Variants in TRMT11 observed in about 807,000 individuals in gnomAD.
The protein encoded by TRMT11 is tRNA (guanine(10)-N(2))-methyltransferase TRMT11.
In TRMT11, 53 loss-of-function variants were observed where a neutral mutation model predicts 62.8. The observed-to-expected ratio is 0.84, with a 90% CI of 0.68 to 1.06. The LOEUF is 1.06. TRMT11 is among the 50% of genes least tolerant of loss of function. TRMT11 has a pLI of 0.00. For synonymous variants in TRMT11, 188 were observed against 190.3 expected, an observed-to-expected ratio of 0.99 and a Z score of 0.10; for missense variants, 556 against 553.4, an observed-to-expected ratio of 1.00 and a Z score of -0.05.
chr6:126,041,677 A>G (rs1775883944), downstream of TRMT11, among the ~76,000 whole-genome samples: 1 of 152,202 alleles, frequency 6.6e-6, no homozygotes, highest in Non-Finnish European at 1.5e-5. Context: ...CTAACAGGAA[A>G]AAAATTCTTT....
intron 2 of TRMT11, 40 bp from the exon 3 acceptor site, chr6:125,995,927 A>T (rs761679780): frequency 1.6e-6 from 2 of 1,237,580 alleles, no homozygotes; most frequent in African/African-American, 3.0e-5. Flanking sequence ...GAGGCCATGT[A>T]GCCACTTAGA....
chr6:126,087,784 A>C (rs1777231510), intron 17 of TRMT11, among the ~76,000 whole-genome samples: 1 of 152,224 alleles, frequency 6.6e-6, no homozygotes, highest in Non-Finnish European at 1.5e-5. Context: ...TACACATCCC[A>C]AAAGAAATGC....
At chr6:126,124,097 T>C (rs1777681243) in intron 21 of TRMT11, among the ~76,000 whole-genome samples, 1 of 152,096 alleles carries the variant, frequency 6.6e-6, no homozygotes, top group Non-Finnish European at 1.5e-5. Context: ...TTAGGGGATT[T>C]CCTCAAATGT....
the TRMT11 span, among the ~76,000 whole-genome samples, chr6:126,244,175 T>G: frequency 6.9e-6 from 1 of 145,784 alleles, no homozygotes; most frequent in Non-Finnish European, 1.5e-5. Flanking sequence ...CTTCCTTCAT[T>G]AAAAAAAAAA....
chr6:126,241,618 T>G, the TRMT11 span, among the ~76,000 whole-genome samples: 2 of 152,198 alleles, frequency 1.3e-5, no homozygotes, highest in Non-Finnish European at 2.9e-5. Context: ...GCTTCATCCC[T>G]GGGATGCGAA....
At chr6:126,200,369 C>T (rs1778720921) in intron 3 of TRMT11, among the ~76,000 whole-genome samples, 2 of 152,194 alleles carry the variant, frequency 1.3e-5, no homozygotes, top group South Asian at 4.1e-4. Context: ...CTGGCCTTAG[C>T]ATTTACCTAC....
the TRMT11 span, among the ~76,000 whole-genome samples, chr6:126,220,514 C>A: frequency 6.6e-6 from 1 of 152,094 alleles, no homozygotes; most frequent in Non-Finnish European, 1.5e-5. Context: ...TGAAAGGAGT[C>A]AAGTCAATTG....
At chr6:126,092,122 T>G (rs1025777257) in intron 17 of TRMT11, among the ~76,000 whole-genome samples, 1 of 152,172 alleles carries the variant, frequency 6.6e-6, no homozygotes, top group Non-Finnish European at 1.5e-5. Context: ...TTTAAAGTAG[T>G]CTTGTAATAA....
At position 125,998,118 on chromosome 6, in the gene TRMT11, A is replaced by G; in HGVS notation, c.278A>G (p.Tyr93Cys). The G allele has an allele frequency of 6.2e-7, 1 of 1,613,564 alleles. No homozygotes were observed. The highest frequency in any genetic ancestry group is 1.7e-5 in the Admixed American group (1 of 60,010). ...GAGCTGTACAGTTCTCTTAAAAACT[A>G]CCCTGTGGAGAAGATGGTGCGTAGT... ...PEELYSSLKN[Y>C]PVEKMVPFLH... Residue 93 changes from tyrosine (Y) to cysteine (C), a missense_variant, in exon 4 of 13, where the codon TAC (tyrosine) becomes TGC (cysteine). Coordinates refer to ENST00000334379, the MANE Select transcript of TRMT11 (RefSeq NM_001031712.3).
chr6:126,076,511 G>C (rs1777028417), intron 17 of TRMT11, among the ~76,000 whole-genome samples: 1 of 152,140 alleles, frequency 6.6e-6, no homozygotes, highest in Admixed American at 6.6e-5. Flanking sequence ...TGCCAGCCAG[G>C]TATTCCTTTA....
At chr6:126,019,667 A>G (rs557759795) in intron 11 of TRMT11, among the ~76,000 whole-genome samples, 1 of 152,318 alleles carries the variant, frequency 6.6e-6, no homozygotes, top group South Asian at 2.1e-4. Flanking sequence ...GGTTAAGGCT[A>G]TATCTTCTCT....
intron 17 of TRMT11, among the ~76,000 whole-genome samples, chr6:126,106,314 T>G (rs1777463872): frequency 1.3e-5 from 2 of 152,110 alleles, no homozygotes. Flanking sequence ...TGGCTAATAT[T>G]TTGTATTTTT....
At chr6:126,175,458 T>C (rs1778375365), upstream of TRMT11, among the ~76,000 whole-genome samples, 1 of 152,170 alleles carries the variant, frequency 6.6e-6, no homozygotes, top group East Asian at 1.9e-4. Context: ...GTTTATTTTG[T>C]GGTTGGGTTT....
At chr6:125,999,037 A>G (rs1792062354) in intron 6 of TRMT11, among the ~76,000 whole-genome samples, 3 of 151,300 alleles carry the variant, frequency 2.0e-5, no homozygotes, top group African/African-American at 7.3e-5. Context: ...ATTTGTGGAG[A>G]TTCCCAATCT....
chr6:126,161,192 T>C (rs954804696), intron 21 of TRMT11, among the ~76,000 whole-genome samples: 1 of 152,100 alleles, frequency 6.6e-6, no homozygotes, highest in Admixed American at 6.6e-5. Context: ...CAACCTGTCA[T>C]CTACATCAGG....
intron 21 of TRMT11, among the ~76,000 whole-genome samples, chr6:126,155,497 C>A (rs1778107888): frequency 1.3e-5 from 2 of 152,060 alleles, no homozygotes; most frequent in African/African-American, 4.8e-5. Context: ...GCCAATAGTC[C>A]CCGCAAATCT....
intron 21 of TRMT11, among the ~76,000 whole-genome samples, chr6:126,156,407 C>T (rs905755099): frequency 6.6e-6 from 1 of 152,190 alleles, no homozygotes; most frequent in South Asian, 2.1e-4. Context: ...GCCTCAGCTC[C>T]CAGGCTTTCC....
At chr6:126,200,624 G>A (rs1054326008) in intron 3 of TRMT11, among the ~76,000 whole-genome samples, 1 of 152,036 alleles carries the variant, frequency 6.6e-6, no homozygotes, top group Admixed American at 6.5e-5. Flanking sequence ...GCACAATCTC[G>A]GCTCACTGCA....
At position 125,990,976 on chromosome 6, in the gene TRMT11, G is replaced by A. The variant is rs117579010; in HGVS notation, c.73-2781G>A. On this transcript the variant is annotated intron_variant, in intron 1 of 12. Transcript: ENST00000334379. ...AAATTTTTTTGGGGGTCCGGGCGCA[G>A]TGGCTCACTCCTGTAATTCCAGTAC... Among the ~76,000 whole-genome samples the A allele has an allele frequency of 8.9e-4, 135 of 152,218 alleles. 1 individual carries two copies. The East Asian group carries it at 0.024, about 27-fold the overall frequency.
Sources: allele counts gnomAD v4.1 joint callset (sites outside exome capture counted in the v4.1 genomes callset), GRCh38; gene constraint gnomAD v4.1.1; transcripts MANE v1.5; gene names NCBI Gene and HGNC (gene_info 2026-07-23, HGNC 2026-07-21).